Variants in TPH2 observed in about 807,000 individuals in gnomAD.
The protein encoded by TPH2 is tryptophan 5-hydroxylase 2.
TPH2 carries 27 observed loss-of-function variants against 59.1 expected under a neutral mutation model. The ratio of observed to expected loss-of-function variants is 0.46; its 90% CI spans 0.34 to 0.63. The LOEUF (loss-of-function observed/expected upper bound fraction) is 0.63. TPH2 is among the 30% of genes least tolerant of loss of function. The pLI is 0.01. For missense variants in TPH2, 523 were observed against 588.3 expected (o/e 0.89, Z 1.15); for synonymous variants, 220 against 210.5 (o/e 1.05, Z -0.39).
chr12:71,968,309 C>T (rs1008915731), intron 5 of TPH2, among the ~76,000 whole-genome samples: 2 of 152,216 alleles, frequency 1.3e-5, no homozygotes, highest in Non-Finnish European at 2.9e-5. Context: ...GTGATGGGGA[C>T]CACTGTGGTG....
chr12:71,941,048 T>A (rs73338900), intron 1 of TPH2, among the ~76,000 whole-genome samples: 6,187 of 152,264 alleles, frequency 0.041, 356 homozygotes, highest in African/African-American at 0.13. Flanking sequence ...ACAATGTGGA[T>A]CTAACTGAAG....
At chr12:71,976,843 T>C (rs1250712826) in intron 6 of TPH2, among the ~76,000 whole-genome samples, 1 of 152,168 alleles carries the variant, frequency 6.6e-6, no homozygotes, top group African/African-American at 2.4e-5. Flanking sequence ...AGGAATAGCC[T>C]TCCAGGACGT....
chr12:71,985,959 T>TTA (rs2139214966), intron 7 of TPH2, among the ~76,000 whole-genome samples: 1 of 152,318 alleles, frequency 6.6e-6, no homozygotes, highest in Admixed American at 6.5e-5. Flanking sequence ...TGAGCATAGC[T>TTA]TATATGCTAG....
At chr12:71,974,837 A>C (rs1433449257) in intron 6 of TPH2, among the ~76,000 whole-genome samples, 1 of 151,688 alleles carries the variant, frequency 6.6e-6, no homozygotes, top group African/African-American at 2.4e-5. Context: ...TCTTCCCTTA[A>C]CTCTCCTGCC....
chr12:71,941,347 C>A (rs1871058597), intron 1 of TPH2, among the ~76,000 whole-genome samples: 1 of 151,962 alleles, frequency 6.6e-6, no homozygotes, highest in African/African-American at 2.4e-5. Context: ...CAAATCTGAT[C>A]CCCTTTTAAT....
At chr12:71,978,804 TA>T in intron 6 of TPH2, 147 bp from the exon 7 acceptor site, 1 of 960,184 alleles carries the variant, frequency 1.0e-6, no homozygotes, top group Non-Finnish European at 1.7e-6. Flanking sequence ...TGATAGCTGT[TA>T]ACAGTATATG....
intron 8 of TPH2, among the ~76,000 whole-genome samples, chr12:72,012,364 G>A (rs879872855): frequency 2.6e-5 from 4 of 152,128 alleles, no homozygotes; most frequent in Admixed American, 1.3e-4. Flanking sequence ...CGAATCAGAC[G>A]AAGGGGCTCG....
At chr12:72,024,891 C>A (rs578131589) in intron 9 of TPH2, among the ~76,000 whole-genome samples, 1 of 152,280 alleles carries the variant, frequency 6.6e-6, no homozygotes, top group East Asian at 1.9e-4. Context: ...TTCTTCCATT[C>A]TCCAATTTCT....
intron 9 of TPH2, among the ~76,000 whole-genome samples, chr12:72,025,965 T>G (rs754774690): frequency 6.6e-6 from 1 of 152,200 alleles, no homozygotes; most frequent in African/African-American, 2.4e-5. Context: ...GAACTTGGAA[T>G]GTAGTAGGGA....
At chr12:71,996,135 TTTGGGAATTGGC>T (rs1412449562) in intron 8 of TPH2, among the ~76,000 whole-genome samples, 1 of 152,202 alleles carries the variant, frequency 6.6e-6, no homozygotes, top group African/African-American at 2.4e-5. Context: ...TGTCTGAAGG[TTTGGGAATTGGC>T]TTCCAAAATG....
chr12:71,982,803 C>T (rs1481296565), intron 7 of TPH2, among the ~76,000 whole-genome samples: 17 of 152,158 alleles, frequency 1.1e-4, no homozygotes, highest in Admixed American at 1.1e-3. Context: ...GCACTGAAGA[C>T]CCAGGTAGAA....
intron 7 of TPH2, among the ~76,000 whole-genome samples, chr12:71,980,977 G>C (rs1872259820): frequency 6.6e-6 from 1 of 152,160 alleles, no homozygotes. Flanking sequence ...AGCAGAGATA[G>C]AAAAACAAAT....
At chr12:71,973,759 AC>A (rs1872040003) in intron 6 of TPH2, among the ~76,000 whole-genome samples, 2 of 152,066 alleles carry the variant, frequency 1.3e-5, no homozygotes, top group African/African-American at 4.8e-5. Flanking sequence ...CTGGAATGGG[AC>A]CCCTTTCTGG....
chr12:71,974,782 C>T (rs1389561085), intron 6 of TPH2, among the ~76,000 whole-genome samples: 3 of 152,194 alleles, frequency 2.0e-5, no homozygotes, highest in Admixed American at 6.5e-5. Flanking sequence ...CTGCTATCAT[C>T]CAAATTGATG....
At chr12:72,019,765 T>A (rs1416914536) in intron 8 of TPH2, among the ~76,000 whole-genome samples, 1 of 152,088 alleles carries the variant, frequency 6.6e-6, no homozygotes, top group African/African-American at 2.4e-5. Flanking sequence ...TAGGGCAGAG[T>A]CTGGCATGTA....
At chr12:71,959,429 C>T (rs898440030) in intron 5 of TPH2, among the ~76,000 whole-genome samples, 2 of 152,200 alleles carry the variant, frequency 1.3e-5, no homozygotes, top group African/African-American at 2.4e-5. Context: ...TAGGGCTTCT[C>T]CACTTGCAGG....
chr12:71,994,769 T>C (rs17840795), intron 8 of TPH2, among the ~76,000 whole-genome samples: 25 of 152,314 alleles, frequency 1.6e-4, no homozygotes, highest in East Asian at 3.9e-4. Flanking sequence ...ATCATTCTTG[T>C]TCGGGGGTCA....
chr12:71,968,313 T>G (rs1871874121), intron 5 of TPH2, among the ~76,000 whole-genome samples: 1 of 152,224 alleles, frequency 6.6e-6, no homozygotes, highest in African/African-American at 2.4e-5. Flanking sequence ...TGGGGACCAC[T>G]GTGGTGTCTT....
At chr12:72,028,986 G>A (rs1873644679) in intron 9 of TPH2, among the ~76,000 whole-genome samples, 1 of 152,156 alleles carries the variant, frequency 6.6e-6, no homozygotes, top group African/African-American at 2.4e-5. Flanking sequence ...CTTTTTAGCT[G>A]TTAAAATGAC....
Sources: gnomAD v4.1 joint callset for allele counts (sites outside exome capture counted in the v4.1 genomes callset) on GRCh38, gnomAD v4.1.1 for gene constraint, MANE v1.5 for transcripts, NCBI Gene and HGNC (gene_info 2026-07-23, HGNC 2026-07-21) for gene names.